Variants in FAM13C observed in about 807,000 individuals in gnomAD.
FAM13C encodes family with sequence similarity 13 member C, also known as protein FAM13C.
FAM13C carries 37 observed loss-of-function variants against 73.2 expected under a neutral mutation model. The ratio of observed to expected loss-of-function variants is 0.51; its 90% confidence interval spans 0.39 to 0.67. The LOEUF is 0.67. FAM13C is among the 30% of genes least tolerant of loss of function. FAM13C has a pLI of 0.00. For missense variants in FAM13C, 589 were observed against 715.6 expected, an observed-to-expected ratio of 0.82 and a Z score of 2.02; for synonymous variants, 246 against 260.9, an observed-to-expected ratio of 0.94 and a Z score of 0.55.
In FAM13C at chr10:59,358,945, T is replaced by TA. The variant is rs140071851; in HGVS notation, c.63-3003dup. Among the ~76,000 whole-genome samples the TA allele has an allele frequency of 5.1e-3, 775 of 152,382 alleles. 5 individuals are homozygous for TA. The highest frequency in any genetic ancestry group is 9.5e-3 in the Non-Finnish European group (643 of 68,034). ...CATGGCACATGTTTACAACCTCTTT[T>TA]AGTTCATTTGAGTTCTCATTTACCT... On this transcript the variant is annotated intron_variant, in intron 1 of 13. Coordinates refer to ENST00000618804, the MANE Select transcript of FAM13C (RefSeq NM_198215.4).
chr10:59,269,013 C>A (rs914342091), intron 7 of FAM13C, among the ~76,000 whole-genome samples: 5 of 152,064 alleles, frequency 3.3e-5, no homozygotes, highest in Admixed American at 1.3e-4. Flanking sequence ...GTAGGTTGCC[C>A]AAGCCATACC....
chr10:59,298,856 T>C (rs1221839761), intron 5 of FAM13C, among the ~76,000 whole-genome samples: 2 of 152,116 alleles, frequency 1.3e-5, no homozygotes, highest in Non-Finnish European at 2.9e-5. Context: ...TCAATGAATG[T>C]TAAAATTGAA....
chr10:59,268,747 G>C (rs1843368550), intron 7 of FAM13C, 56 bp from the exon 8 acceptor site: 3 of 1,569,522 alleles, frequency 1.9e-6, no homozygotes, highest in Non-Finnish European at 2.6e-6. Flanking sequence ...CCAGTAAACA[G>C]TTCTGTTGAT....
At chr10:59,251,941 A>G (rs1374792849) in intron 12 of FAM13C, among the ~76,000 whole-genome samples, 1 of 152,174 alleles carries the variant, frequency 6.6e-6, no homozygotes, top group East Asian at 1.9e-4. Flanking sequence ...CACTGAAGGA[A>G]CTGGAAAGGG....
chr10:59,301,591 C>T (rs1847605633), intron 5 of FAM13C, among the ~76,000 whole-genome samples: 1 of 151,952 alleles, frequency 6.6e-6, no homozygotes, highest in Non-Finnish European at 1.5e-5. Flanking sequence ...CATGAGTTGA[C>T]TCTTACAATC....
At chr10:59,264,016 T>G in intron 9 of FAM13C, 69 bp downstream of exon 9, 1 of 1,383,650 alleles carries the variant, frequency 7.2e-7, no homozygotes, top group South Asian at 1.2e-5. Flanking sequence ...TCTAAAATGC[T>G]CTGGAGCACA....
chr10:59,312,260 G>A (rs748112430), intron 4 of FAM13C, among the ~76,000 whole-genome samples: 2 of 152,098 alleles, frequency 1.3e-5, no homozygotes, highest in Non-Finnish European at 2.9e-5. Context: ...TTAGCTCTTG[G>A]AACACAAGAA....
chr10:59,341,099 A>T (rs1025306642), intron 3 of FAM13C, among the ~76,000 whole-genome samples: 7 of 152,102 alleles, frequency 4.6e-5, no homozygotes, highest in Non-Finnish European at 1.0e-4. Context: ...GGTGATTTTT[A>T]AATCTGGTAG....
At chr10:59,345,092 T>C (rs931890202) in intron 3 of FAM13C, among the ~76,000 whole-genome samples, 2 of 152,172 alleles carry the variant, frequency 1.3e-5, no homozygotes, top group African/African-American at 2.4e-5. Flanking sequence ...AAGTGGCAAA[T>C]GGACAATTTT....
chr10:59,314,976 C>T (rs1398378564), intron 4 of FAM13C, among the ~76,000 whole-genome samples: 1 of 152,168 alleles, frequency 6.6e-6, no homozygotes, highest in Non-Finnish European at 1.5e-5. Context: ...ACTGAAAATT[C>T]ATTTTAAGTT....
chr10:59,283,259 C>T (rs1391876075), intron 6 of FAM13C, 104 bp downstream of exon 6: 10 of 1,226,458 alleles, frequency 8.2e-6, no homozygotes, highest in Non-Finnish European at 1.2e-5. Context: ...TCATGTTGCC[C>T]CAGGCACTGT....
At chr10:59,343,279 G>A (rs1218111903) in intron 3 of FAM13C, among the ~76,000 whole-genome samples, 2 of 152,130 alleles carry the variant, frequency 1.3e-5, no homozygotes, top group African/African-American at 4.8e-5. Flanking sequence ...TTCAGTTCCT[G>A]TTCAAAACAA....
At chr10:59,261,468 C>T (rs1842496012) in intron 10 of FAM13C, among the ~76,000 whole-genome samples, 1 of 152,122 alleles carries the variant, frequency 6.6e-6, no homozygotes, top group Non-Finnish European at 1.5e-5. Flanking sequence ...GCATTCTCCT[C>T]AAGAAGACTT....
intron 5 of FAM13C, among the ~76,000 whole-genome samples, chr10:59,284,689 C>G (rs772044932): frequency 1.3e-5 from 2 of 150,952 alleles, no homozygotes; most frequent in African/African-American, 4.9e-5. Context: ...ACGCTCATAC[C>G]AAACCCCCAT....
chr10:59,324,151 C>A (rs1329974551), intron 3 of FAM13C, 45 bp from the exon 4 acceptor site: 2 of 1,466,880 alleles, frequency 1.4e-6, no homozygotes, highest in South Asian at 2.4e-5. Context: ...CAACAGCAAT[C>A]AGTTCCATAG....
At chr10:59,334,169 T>C (rs760870006) in intron 3 of FAM13C, among the ~76,000 whole-genome samples, 2 of 152,170 alleles carry the variant, frequency 1.3e-5, no homozygotes, top group Non-Finnish European at 2.9e-5. Context: ...TTCACCTTCA[T>C]GCAAACCAAT....
chr10:59,279,582 CAGAACAA>C (rs1844704356), intron 6 of FAM13C, among the ~76,000 whole-genome samples: 1 of 152,164 alleles, frequency 6.6e-6, no homozygotes, highest in Non-Finnish European at 1.5e-5. Context: ...CTTGGTCAGA[CAGAACAA>C]AGGCTACTAT....
rs1840691150 is a variant in FAM13C at position 59,246,179 on chromosome 10, A to T, written c.*1435T>A. On this transcript the variant is annotated 3_prime_UTR_variant, in exon 14 of 14. Transcript: ENST00000618804. The stretch of plus-strand genomic sequence containing the variant: ...TTGTATTGTTGTATAAAATATTTAC[A>T]ATCATATAGAATATATAGAGTTACA... The T allele has an allele frequency of 6.5e-6, 1 of 152,868 alleles. No individual in the cohort carries two copies. Among genetic ancestry groups the T allele is most frequent in the Non-Finnish European group, 1.5e-5 (1 of 68,198 alleles). The allele number at this position is 152,868 out of a possible 1,614,324, so 9.5% of individuals were successfully genotyped here. A position where few individuals can be genotyped will look rare whatever the true frequency, so the allele number is the denominator to read the frequency against.
rs144961357 is a variant in FAM13C at position 59,287,808 on chromosome 10, T to C, written c.508-4361A>G. Among the ~76,000 whole-genome samples the C allele has an allele frequency of 5.2e-4, 79 of 152,346 alleles. No homozygotes were observed. The East Asian group carries it at 0.011, about 20-fold the overall frequency. Reference sequence around the variant, plus strand: ...CACAAGGACTGGATTCTGTGTTTAGTATGACTATCTCCAAACCCCAAAGGC... The same window carrying C: ...CACAAGGACTGGATTCTGTGTTTAGCATGACTATCTCCAAACCCCAAAGGC... On this transcript the variant is annotated intron_variant, in intron 5 of 13. Coordinates refer to ENST00000618804, the MANE Select transcript of FAM13C (RefSeq NM_198215.4).
Sources: gnomAD v4.1 joint callset for allele counts (sites outside exome capture counted in the v4.1 genomes callset) on GRCh38, gnomAD v4.1.1 for gene constraint, MANE v1.5 for transcripts, NCBI Gene and HGNC (gene_info 2026-07-23, HGNC 2026-07-21) for gene names.